The following DTNA variants were observed in gnomAD, a reference collection of about 807,000 sequenced individuals.
DTNA encodes the protein dystrobrevin alpha, also known as dystrophin-related protein 3.
DTNA carries 43 observed loss-of-function variants against 100.7 expected under a neutral mutation model. That is an observed-to-expected ratio of 0.43 (90% confidence interval 0.33 to 0.55). The LOEUF is 0.55. Among genes scored for constraint, DTNA ranks in the 20% least tolerant of loss-of-function variants. The probability of loss-of-function intolerance (pLI) is 0.04; values close to 1 mark genes in which losing one functional copy is unlikely to be tolerated. For missense variants in DTNA, 798 were observed against 953.9 expected (o/e 0.84, Z 2.15); for synonymous variants, 349 against 347.9 (o/e 1.00, Z -0.04).
intron 11 of DTNA, among the ~76,000 whole-genome samples, chr18:34,832,200 A>G (rs2096028251): frequency 6.6e-6 from 1 of 152,226 alleles, no homozygotes; most frequent in African/African-American, 2.4e-5. Context: ...AAAATAGATA[A>G]ATTTGTAAAT....
chr18:34,591,161 T>C (rs1159272989), intron 1 of DTNA, among the ~76,000 whole-genome samples: 1 of 152,158 alleles, frequency 6.6e-6, no homozygotes, highest in Admixed American at 6.5e-5. Context: ...GTAGAAGTGC[T>C]CTTAACAAAT....
intron 22 of DTNA, among the ~76,000 whole-genome samples, chr18:34,886,085 C>T (rs1237879980): frequency 6.6e-6 from 1 of 152,168 alleles, no homozygotes; most frequent in African/African-American, 2.4e-5. Flanking sequence ...GTCTGTACTG[C>T]AGTGGACAGT....
intron 1 of DTNA, among the ~76,000 whole-genome samples, chr18:34,501,688 C>G (rs1194025775): frequency 6.6e-6 from 1 of 152,106 alleles, no homozygotes; most frequent in Non-Finnish European, 1.5e-5. Context: ...ATACCACAGA[C>G]TGGGTGGCTT....
chr18:34,674,217 G>T (rs947953199), intron 1 of DTNA, among the ~76,000 whole-genome samples: 1 of 152,242 alleles, frequency 6.6e-6, no homozygotes, highest in African/African-American at 2.4e-5. Context: ...CTGCCTGACT[G>T]TGTGATCTTG....
intron 1 of DTNA, among the ~76,000 whole-genome samples, chr18:34,520,896 C>T (rs144028736): frequency 2.0e-5 from 3 of 152,166 alleles, no homozygotes; most frequent in African/African-American, 7.2e-5. Flanking sequence ...CTATCTGAGT[C>T]CCCCGGCTCC....
intron 1 of DTNA, among the ~76,000 whole-genome samples, chr18:34,736,028 A>G (rs995568074): frequency 8.5e-5 from 13 of 152,172 alleles, no homozygotes; most frequent in Admixed American, 2.6e-4. Context: ...AATTGAAGCC[A>G]ATAGTGTTCG....
intron 16 of DTNA, among the ~76,000 whole-genome samples, chr18:34,859,062 C>T (rs1443376650): frequency 6.6e-6 from 1 of 152,164 alleles, no homozygotes; most frequent in Non-Finnish European, 1.5e-5. Context: ...TTCTCTAAGT[C>T]TTGGTCTCTA....
chr18:34,559,425 T>C (rs1568656045), intron 1 of DTNA, among the ~76,000 whole-genome samples: 1 of 152,244 alleles, frequency 6.6e-6, no homozygotes, highest in Non-Finnish European at 1.5e-5. Flanking sequence ...TTTTTATTTC[T>C]TAATTGAAAT....
intron 1 of DTNA, among the ~76,000 whole-genome samples, chr18:34,646,697 C>A (rs1398339169): frequency 6.6e-6 from 1 of 152,008 alleles, no homozygotes; most frequent in African/African-American, 2.4e-5. Flanking sequence ...TTTTATTATT[C>A]TTATTACTTT....
At chr18:34,515,965 A>T (rs1256660272) in intron 1 of DTNA, among the ~76,000 whole-genome samples, 1 of 152,138 alleles carries the variant, frequency 6.6e-6, no homozygotes, top group Non-Finnish European at 1.5e-5. Flanking sequence ...GTCACACACT[A>T]AATTAGTCAC....
chr18:34,654,062 A>T (rs2074004605), intron 1 of DTNA, among the ~76,000 whole-genome samples: 2 of 152,182 alleles, frequency 1.3e-5, no homozygotes, highest in African/African-American at 4.8e-5. Context: ...TGGGACAGGG[A>T]TGACTCCTCA....
In DTNA at chr18:34,699,556, G is replaced by A. The variant is rs564025155; in HGVS notation, c.-1-56420G>A. On this transcript the variant is annotated intron_variant, in intron 1 of 19. Coordinates refer to the DTNA transcript ENST00000283365. ...TCTGTGCACCTGGTGACCCAGTCAG[G>A]TTGACACATAAAATTCACTGTCACA... is the stretch of plus-strand genomic sequence containing the variant. Among the ~76,000 whole-genome samples, 5 of 152,258 alleles carry A rather than the reference G, an allele frequency of 3.3e-5. No homozygotes were observed. The East Asian group carries it at 5.8e-4, about 18-fold the overall frequency.
intron 1 of DTNA, among the ~76,000 whole-genome samples, chr18:34,511,187 A>G (rs1244642783): frequency 6.6e-6 from 1 of 152,118 alleles, no homozygotes; most frequent in Non-Finnish European, 1.5e-5. Flanking sequence ...GCTGATCCCC[A>G]CGGAAAGAAA....
At chr18:34,526,191 A>G (rs555979639) in intron 1 of DTNA, among the ~76,000 whole-genome samples, 1 of 152,308 alleles carries the variant, frequency 6.6e-6, no homozygotes, top group South Asian at 2.1e-4. Context: ...AAAATTTCAT[A>G]AAATGTTGTT....
intron 1 of DTNA, chr18:34,683,540 C>T (rs1329609635): frequency 6.6e-6 from 1 of 152,174 alleles, no homozygotes; most frequent in Non-Finnish European, 1.5e-5. Context: ...CTCTGAAGGA[C>T]ATGATGTTCC....
intron 1 of DTNA, among the ~76,000 whole-genome samples, chr18:34,546,861 C>A (rs2044840397): frequency 6.6e-6 from 1 of 151,838 alleles, no homozygotes; most frequent in Admixed American, 6.6e-5. Context: ...ATGTGTGTGC[C>A]ACCACGCCTG....
At chr18:34,582,213 CT>C (rs2146689670) in intron 1 of DTNA, among the ~76,000 whole-genome samples, 1 of 152,172 alleles carries the variant, frequency 6.6e-6, no homozygotes, top group Non-Finnish European at 1.5e-5. Flanking sequence ...GTGTGAACAC[CT>C]TAGCTCATTC....
At chr18:34,760,563 G>A (rs2093080868) in intron 2 of DTNA, among the ~76,000 whole-genome samples, 1 of 152,144 alleles carries the variant, frequency 6.6e-6, no homozygotes, top group Non-Finnish European at 1.5e-5. Flanking sequence ...TAATGAAGCA[G>A]TCTGAGGAGG....
At chr18:34,702,679 T>G (rs1012505984) in intron 1 of DTNA, among the ~76,000 whole-genome samples, 13 of 152,260 alleles carry the variant, frequency 8.5e-5, no homozygotes, top group African/African-American at 3.1e-4. Flanking sequence ...ATATCACCCA[T>G]AATAAACACA....
Sources: gnomAD v4.1 joint callset for allele counts (sites outside exome capture counted in the v4.1 genomes callset) on GRCh38, gnomAD v4.1.1 for gene constraint, MANE v1.5 for transcripts, NCBI Gene and HGNC (gene_info 2026-07-23, HGNC 2026-07-21) for gene names.